The following APBA1 variants were observed in gnomAD, a reference collection of about 807,000 sequenced individuals.
APBA1 encodes amyloid beta precursor protein binding family A member 1.
In APBA1, 55 loss-of-function variants were observed where a neutral mutation model predicts 86.6. The observed-to-expected ratio is 0.64, with a 90% CI of 0.51 to 0.80. APBA1 has a LOEUF of 0.80. APBA1 is among the 30% of genes least tolerant of loss of function. The probability of loss-of-function intolerance (pLI) is 0.00; values close to 1 mark genes in which losing one functional copy is unlikely to be tolerated. For missense variants in APBA1, 1,090 were observed against 1,183.0 expected (o/e 0.92, Z 1.15); for synonymous variants, 511 against 493.9 (o/e 1.03, Z -0.46).
chr9:69,570,094 G>A (rs1037654075), intron 1 of APBA1, among the ~76,000 whole-genome samples: 8 of 152,340 alleles, frequency 5.3e-5, no homozygotes, highest in African/African-American at 1.9e-4. Flanking sequence ...TGGTGCAGGA[G>A]TCATCTGGAG....
chr9:69,556,214 C>T (rs572131867), intron 1 of APBA1, among the ~76,000 whole-genome samples: 1 of 152,090 alleles, frequency 6.6e-6, no homozygotes, highest in Admixed American at 6.5e-5. Flanking sequence ...GACATGCCTC[C>T]CCACTTTATA....
At chr9:69,521,346 C>A (rs917089915) in intron 1 of APBA1, among the ~76,000 whole-genome samples, 25 of 152,166 alleles carry the variant, frequency 1.6e-4, no homozygotes, top group African/African-American at 6.0e-4. Context: ...AACTGCCCTC[C>A]CTATTCATGG....
intron 1 of APBA1, among the ~76,000 whole-genome samples, chr9:69,641,396 C>A (rs1823284255): frequency 6.6e-6 from 1 of 152,068 alleles, no homozygotes; most frequent in African/African-American, 2.4e-5. Flanking sequence ...TAGAAACTGA[C>A]AAGTAGATTA....
At chr9:69,661,646 G>T (rs910672562) in intron 1 of APBA1, among the ~76,000 whole-genome samples, 5 of 152,158 alleles carry the variant, frequency 3.3e-5, no homozygotes, top group Admixed American at 1.3e-4. Context: ...CCCCAATGTG[G>T]CAGTATTGGG....
chr9:69,540,353 T>G (rs994899120), intron 1 of APBA1, among the ~76,000 whole-genome samples: 3 of 151,522 alleles, frequency 2.0e-5, no homozygotes, highest in African/African-American at 2.4e-5. Context: ...GCTCAGTACA[T>G]TTTTTTTTAA....
rs1305108907 is a variant in APBA1 at position 69,432,581 on chromosome 9, G to T, written c.2397C>A (p.Thr799=). ...GAATGTGGACGATCTTCTCGTGGGG[G>T]GTGGCCACGACGCTCTGTCCATTGA... The part of the protein sequence containing the change: ...IEINGQSVVA[T]PHEKIVHILS... Residue 799 remains threonine, a synonymous_variant, in exon 12 of 13, where the codon ACC becomes ACA. Coordinates refer to ENST00000265381, the MANE Select transcript of APBA1 (RefSeq NM_001163.4). 1 of 1,600,086 alleles carries T rather than the reference G, an allele frequency of 6.2e-7. No individual in the cohort carries two copies. The highest frequency in any genetic ancestry group is 1.1e-5 in the South Asian group (1 of 89,174).
At chr9:69,483,752 A>AT (rs1835562058) in intron 2 of APBA1, among the ~76,000 whole-genome samples, 1 of 152,084 alleles carries the variant, frequency 6.6e-6, no homozygotes. Context: ...AAACATTCAC[A>AT]TGCAGACATC....
chr9:69,591,851 A>C (rs978903559), intron 1 of APBA1, among the ~76,000 whole-genome samples: 1 of 152,230 alleles, frequency 6.6e-6, no homozygotes, highest in Admixed American at 6.5e-5. Context: ...GCATGTTAAT[A>C]AACTTTTGCA....
chr9:69,607,903 G>C (rs1372191889), intron 1 of APBA1, among the ~76,000 whole-genome samples: 1 of 152,180 alleles, frequency 6.6e-6, no homozygotes, highest in African/African-American at 2.4e-5. Context: ...ACCTCTCTCA[G>C]AGGGTCTTTG....
intron 1 of APBA1, among the ~76,000 whole-genome samples, chr9:69,519,769 A>AG (rs1259524139): frequency 6.6e-6 from 1 of 152,236 alleles, no homozygotes; most frequent in Admixed American, 6.5e-5. Flanking sequence ...GCTGTTCTTT[A>AG]GCTTGATGAA....
rs770552525 is a variant in APBA1, at chr9:69,516,337, C to T, written c.874G>A (p.Asp292Asn). Reference sequence around the variant, plus strand: ...AGGTCCTGCTCGGCCTCAGGCATGTCCTCGGCTGCCTTGTCGAGGCTCTGC... The same window carrying T: ...AGGTCCTGCTCGGCCTCAGGCATGTTCTCGGCTGCCTTGTCGAGGCTCTGC... ...SSQSLDKAAE[D>N]MPEAEQDLER... The change falls in exon 2 of 13, where the codon GAC (aspartate) becomes AAC (asparagine). Residue 292 changes from aspartate to asparagine, a missense_variant. Coordinates refer to ENST00000265381, the MANE Select transcript of APBA1 (RefSeq NM_001163.4). The surrounding 1 kb of genome is among the most constrained non-coding windows in gnomAD (Gnocchi z 7.3). 8.8e-6 allele frequency: 14 copies of T among 1,596,262 alleles called. No homozygotes were observed. Among genetic ancestry groups the T allele is most frequent in the Non-Finnish European group, 1.1e-5 (13 of 1,177,010 alleles).
At chr9:69,569,142 C>T (rs113171732) in intron 1 of APBA1, among the ~76,000 whole-genome samples, 63 of 152,298 alleles carry the variant, frequency 4.1e-4, no homozygotes, top group Middle Eastern at 3.4e-3. Flanking sequence ...TGCTTCTTCC[C>T]TGAAAAGGAA....
At chr9:69,510,350 A>G (rs2133881348) in intron 2 of APBA1, among the ~76,000 whole-genome samples, 1 of 151,142 alleles carries the variant, frequency 6.6e-6, no homozygotes, top group Non-Finnish European at 1.5e-5. Flanking sequence ...AATACCTAGG[A>G]ATCCAACTTA....
intron 1 of APBA1, among the ~76,000 whole-genome samples, chr9:69,565,286 G>A (rs1167960452): frequency 6.6e-6 from 1 of 152,046 alleles, no homozygotes; most frequent in Non-Finnish European, 1.5e-5. Flanking sequence ...CCTTGGTGTA[G>A]GTGCGGACCC....
chr9:69,635,050 G>A (rs1411105754), intron 1 of APBA1, among the ~76,000 whole-genome samples: 1 of 152,142 alleles, frequency 6.6e-6, no homozygotes, highest in Non-Finnish European at 1.5e-5. Flanking sequence ...ACTCACTAGT[G>A]ATAGTAAGTG....
At chr9:69,511,921 G>T (rs1299562488) in intron 2 of APBA1, among the ~76,000 whole-genome samples, 30 of 151,368 alleles carry the variant, frequency 2.0e-4, no homozygotes, top group East Asian at 1.2e-3. Context: ...TGGGGACTGT[G>T]GTGGGGTGGG....
rs61186174 is a variant in APBA1 at position 69,552,383 on chromosome 9, T to C, written c.-69-35104A>G. Among the ~76,000 whole-genome samples the C allele has an allele frequency of 6.9e-3, 1,044 of 152,318 alleles. 9 individuals carry two copies. The highest frequency in any genetic ancestry group is 0.024 in the African/African-American group (978 of 41,554). ...CAGCTAATGGCTCATTATTTATGTA[T>C]AAAATGAAGATGTCCTGCACGAAAA... On this transcript the variant is annotated intron_variant, in intron 1 of 12. Coordinates refer to ENST00000265381, the MANE Select transcript of APBA1 (RefSeq NM_001163.4).
intron 1 of APBA1, among the ~76,000 whole-genome samples, chr9:69,517,607 T>C (rs1033610125): frequency 6.6e-6 from 1 of 152,226 alleles, no homozygotes; most frequent in Non-Finnish European, 1.5e-5. Context: ...CTAAATTGAA[T>C]GGGCCAACTG....
At chr9:69,493,809 T>C (rs962788480) in intron 2 of APBA1, among the ~76,000 whole-genome samples, 19 of 152,140 alleles carry the variant, frequency 1.2e-4, no homozygotes, top group African/African-American at 4.3e-4. Context: ...GCAGCATTAC[T>C]TCTCAAGGTC....
Sources: gnomAD v4.1 joint callset for allele counts (sites outside exome capture counted in the v4.1 genomes callset) on GRCh38, gnomAD v4.1.1 for gene constraint, Gnocchi (gnomAD v3.1) non-coding constraint, MANE v1.5 for transcripts, NCBI Gene and HGNC (gene_info 2026-07-23, HGNC 2026-07-21) for gene names.